TBC1D14: variants seen among roughly 807,000 people sequenced by gnomAD.
TBC1D14 encodes the protein TBC1 domain family member 14, also known as TBC1 domain family, member 14.
TBC1D14 carries 26 observed loss-of-function variants against 79.0 expected under a neutral mutation model. That is an observed-to-expected ratio of 0.33 (90% CI 0.24 to 0.46). The LOEUF (loss-of-function observed/expected upper bound fraction) is 0.46. TBC1D14 is among the 20% of genes least tolerant of loss of function. The probability of loss-of-function intolerance (pLI) is 1.00; values close to 1 mark genes in which losing one functional copy is unlikely to be tolerated. For synonymous variants in TBC1D14, 394 were observed against 349.9 expected, an observed-to-expected ratio of 1.13 and a Z score of -1.40; for missense variants, 769 against 887.6, an observed-to-expected ratio of 0.87 and a Z score of 1.70.
intron 2 of TBC1D14, among the ~76,000 whole-genome samples, chr4:6,938,518 G>C (rs770928619): frequency 2.4e-4 from 36 of 152,178 alleles, no homozygotes; most frequent in Admixed American, 1.5e-3. Flanking sequence ...GCCCACAGCA[G>C]GTGTCCCCTT....
chr4:6,917,712 T>A (rs1723511748), intron 1 of TBC1D14, among the ~76,000 whole-genome samples: 1 of 152,122 alleles, frequency 6.6e-6, no homozygotes, highest in Admixed American at 6.5e-5. Context: ...TTTATAAACG[T>A]GGACTTGGAG....
At position 7,011,824 on chromosome 4, in the gene TBC1D14, C is replaced by T. The variant is rs987580634; in HGVS notation, c.1647+1043C>T. Among the ~76,000 whole-genome samples, 38 of 151,700 alleles carry T rather than the reference C, an allele frequency of 2.5e-4. 1 individual carries two copies. The highest frequency in any genetic ancestry group is 3.4e-3 in the Middle Eastern group (1 of 294). On this transcript the variant is annotated intron_variant, in intron 11 of 13. Coordinates refer to ENST00000409757, the MANE Select transcript of TBC1D14 (RefSeq NM_020773.3). The stretch of plus-strand genomic sequence containing the variant: ...CCACCTGCCTCGGCCTCCCAAATTG[C>T]TGGGATTACAGGCGTGAGCCACTGT...
intron 5 of TBC1D14, chr4:6,998,644 T>G (rs1398741301): frequency 6.3e-6 from 1 of 159,606 alleles, no homozygotes; most frequent in African/African-American, 2.4e-5. Context: ...ATTCAAGCAA[T>G]TCTCCTACCT....
chr4:6,945,427 A>G (rs1329720106), intron 2 of TBC1D14, among the ~76,000 whole-genome samples: 2 of 152,186 alleles, frequency 1.3e-5, no homozygotes, highest in South Asian at 2.1e-4. Flanking sequence ...AAAGGGCTGG[A>G]AAGGAGTTAT....
intron 2 of TBC1D14, among the ~76,000 whole-genome samples, 157 bp downstream of exon 2, chr4:6,924,268 G>A (rs1281159489): frequency 6.7e-6 from 1 of 148,580 alleles, no homozygotes; most frequent in Non-Finnish European, 1.5e-5. Flanking sequence ...GAATCCTGTG[G>A]GATTGTGAGA....
chr4:7,025,797 C>T (rs1228536137), intron 13 of TBC1D14, among the ~76,000 whole-genome samples: 2 of 152,226 alleles, frequency 1.3e-5, no homozygotes, highest in African/African-American at 4.8e-5. Context: ...GCTGAGTGCC[C>T]CAAACAGTGG....
chr4:6,911,112 G>C (rs1373103815), intron 1 of TBC1D14, among the ~76,000 whole-genome samples: 1 of 152,142 alleles, frequency 6.6e-6, no homozygotes, highest in Admixed American at 6.5e-5. Context: ...CTGTTGCCCA[G>C]TTTATCTGGC....
intron 1 of TBC1D14, among the ~76,000 whole-genome samples, chr4:6,921,496 C>T (rs1000629900): frequency 6.6e-6 from 1 of 151,994 alleles, no homozygotes; most frequent in Admixed American, 6.6e-5. Context: ...CATGAGCCAC[C>T]ATGCCTGGTT....
chr4:6,946,799 T>A (rs1713511530), intron 2 of TBC1D14, among the ~76,000 whole-genome samples: 1 of 152,120 alleles, frequency 6.6e-6, no homozygotes, highest in Non-Finnish European at 1.5e-5. Flanking sequence ...TGAGTCTAAA[T>A]CCCACGTATA....
chr4:6,962,527 T>C (rs147761500), intron 2 of TBC1D14, among the ~76,000 whole-genome samples: 1,734 of 152,186 alleles, frequency 0.011, 17 homozygotes, highest in Middle Eastern at 0.037. Context: ...GAGTGAGTGC[T>C]TTTTCTCCAT....
chr4:6,915,959 A>G (rs1723363161), intron 1 of TBC1D14, among the ~76,000 whole-genome samples: 1 of 151,866 alleles, frequency 6.6e-6, no homozygotes, highest in African/African-American at 2.4e-5. Flanking sequence ...TACTAAAAAA[A>G]AAAAAAAATG....
chr4:6,953,583 G>A (rs1049074048), intron 2 of TBC1D14, among the ~76,000 whole-genome samples: 2 of 128,520 alleles, frequency 1.6e-5, no homozygotes. Flanking sequence ...AGTGAGCCGA[G>A]ATTGCGCCAC....
chr4:6,990,365 C>T (rs1446916157), intron 3 of TBC1D14, among the ~76,000 whole-genome samples: 2 of 152,226 alleles, frequency 1.3e-5, no homozygotes, highest in Non-Finnish European at 2.9e-5. Flanking sequence ...AGGAGAATCG[C>T]TTGAACCCGG....
chr4:6,924,636 T>C (rs1009434399), intron 2 of TBC1D14, among the ~76,000 whole-genome samples: 9 of 126,264 alleles, frequency 7.1e-5, no homozygotes, highest in Non-Finnish European at 1.7e-4. Flanking sequence ...TCTGCTGCAC[T>C]GCAGCCCCAT....
chr4:7,013,136 T>A (rs535560885), intron 11 of TBC1D14, among the ~76,000 whole-genome samples: 1 of 152,318 alleles, frequency 6.6e-6, no homozygotes, highest in South Asian at 2.1e-4. Flanking sequence ...GAGTGGGGTC[T>A]TCATGACAGC....
At chr4:6,930,922 A>C (rs1400704349) in intron 2 of TBC1D14, among the ~76,000 whole-genome samples, 1 of 151,540 alleles carries the variant, frequency 6.6e-6, no homozygotes, top group Non-Finnish European at 1.5e-5. Flanking sequence ...TGTTTTTGAG[A>C]TGAAATCTTG....
intron 2 of TBC1D14, among the ~76,000 whole-genome samples, chr4:6,955,489 A>G (rs1467766664): frequency 6.6e-6 from 1 of 152,152 alleles, no homozygotes; most frequent in African/African-American, 2.4e-5. Flanking sequence ...AGTGCCCTGC[A>G]CCAGGTAACT....
At chr4:6,916,970 C>T (rs974035194) in intron 1 of TBC1D14, among the ~76,000 whole-genome samples, 7 of 152,338 alleles carry the variant, frequency 4.6e-5, no homozygotes, top group African/African-American at 1.7e-4. Flanking sequence ...AAACACCTGT[C>T]AAGGCAGGAA....
intron 1 of TBC1D14, among the ~76,000 whole-genome samples, chr4:6,922,717 T>G (rs527612686): frequency 1.4e-4 from 22 of 152,282 alleles, no homozygotes; most frequent in Non-Finnish European, 2.9e-4. Flanking sequence ...TTTGACAGAT[T>G]ATCATTTCAC....
Sources: allele counts gnomAD v4.1 joint callset (sites outside exome capture counted in the v4.1 genomes callset), GRCh38; gene constraint gnomAD v4.1.1; transcripts MANE v1.5; gene names NCBI Gene and HGNC (gene_info 2026-07-23, HGNC 2026-07-21).